MEGF11: variants seen among roughly 807,000 people sequenced by gnomAD.
MEGF11 encodes the protein multiple epidermal growth factor-like domains protein 11.
MEGF11 carries 126 observed loss-of-function variants against 146.6 expected under a neutral mutation model. The observed-to-expected ratio is 0.86, with a 90% CI of 0.74 to 1.00. The LOEUF (loss-of-function observed/expected upper bound fraction) is 1.00. Among genes scored for constraint, MEGF11 ranks in the 50% least tolerant of loss-of-function variants. The pLI is 0.00. For missense variants in MEGF11, 1,509 were observed against 1,521.2 expected (o/e 0.99, Z 0.13); for synonymous variants, 532 against 583.4 (o/e 0.91, Z 1.27).
rs538348245 is a variant in MEGF11, at chr15:66,094,465, G to A, written c.331C>T (p.Arg111Cys). ...PLCTEECVHG[R>C]CVSPDTCHCE... The stretch of plus-strand genomic sequence containing the variant: ...TGGCAGGTGTCCGGGGAAACGCAGC[G>A]GCCGTGCACACACTCCTCCGTACAC... Residue 111 changes from arginine (R) to cysteine (C), a missense_variant, in exon 5 of 26, where the codon CGC (arginine) becomes TGC (cysteine). Arg to Cys is a radical substitution (Grantham distance 180). Transcript: ENST00000395614. The A allele has an allele frequency of 1.4e-5, 22 of 1,560,492 alleles. No homozygotes were observed. Among genetic ancestry groups the A allele is most frequent in the Middle Eastern group, 1.7e-4 (1 of 6,004 alleles).
chr15:66,098,736 C>T (rs1307575429), intron 4 of MEGF11, among the ~76,000 whole-genome samples: 1 of 152,218 alleles, frequency 6.6e-6, no homozygotes, highest in Non-Finnish European at 1.5e-5. Flanking sequence ...AAATGACCTA[C>T]ATCCACGTGG....
chr15:66,067,470 C>A (rs189171249), intron 5 of MEGF11, among the ~76,000 whole-genome samples: 1 of 152,168 alleles, frequency 6.6e-6, no homozygotes, highest in African/African-American at 2.4e-5. Context: ...TTGCTGGAGG[C>A]CTTAAAGCTG....
chr15:65,926,761 A>G (rs546163940), intron 13 of MEGF11, among the ~76,000 whole-genome samples: 1 of 152,358 alleles, frequency 6.6e-6, no homozygotes, highest in South Asian at 2.1e-4. Flanking sequence ...GGTTCACCAA[A>G]GACAGAATTT....
chr15:66,228,781 T>C (rs1039830914), intron 1 of MEGF11, among the ~76,000 whole-genome samples: 1 of 152,190 alleles, frequency 6.6e-6, no homozygotes, highest in Non-Finnish European at 1.5e-5. Context: ...GCATGGGCTT[T>C]ATGAGAGGAG....
chr15:66,078,086 G>A (rs2085671214), intron 5 of MEGF11, among the ~76,000 whole-genome samples: 1 of 152,158 alleles, frequency 6.6e-6, no homozygotes, highest in Non-Finnish European at 1.5e-5. Context: ...TTTCAAGGGT[G>A]GTCTCCAGGG....
intron 1 of MEGF11, among the ~76,000 whole-genome samples, chr15:66,246,161 G>T (rs2092293592): frequency 6.6e-6 from 1 of 152,178 alleles, no homozygotes; most frequent in African/African-American, 2.4e-5. Flanking sequence ...GAAGGCTGAG[G>T]CACAAGAATT....
chr15:65,907,550 C>T (rs1253306738), intron 23 of MEGF11, among the ~76,000 whole-genome samples: 3 of 152,184 alleles, frequency 2.0e-5, no homozygotes, highest in Admixed American at 6.5e-5. Flanking sequence ...CTGCCTCAGC[C>T]TCCCAAAGTG....
chr15:65,906,232 C>G (rs1015262086), intron 23 of MEGF11, 91 bp from the exon 24 acceptor site: 3 of 859,314 alleles, frequency 3.5e-6, no homozygotes, highest in Middle Eastern at 2.2e-4. Flanking sequence ...GCTTTTCCCC[C>G]CCCTTCTCCC....
intron 1 of MEGF11, among the ~76,000 whole-genome samples, chr15:66,153,160 T>G (rs958336594): frequency 6.6e-6 from 1 of 152,134 alleles, no homozygotes; most frequent in Non-Finnish European, 1.5e-5. Context: ...GCTCCCACAC[T>G]CCCCACAGCA....
chr15:66,083,528 G>A (rs1181593566), intron 5 of MEGF11, among the ~76,000 whole-genome samples: 1 of 151,812 alleles, frequency 6.6e-6, no homozygotes, highest in Admixed American at 6.6e-5. Flanking sequence ...AAACTCAGAA[G>A]AAACCACAGG....
chr15:65,962,969 GAGTCCTTTCAGATTA>G (rs2080918344), intron 9 of MEGF11, among the ~76,000 whole-genome samples: 1 of 152,184 alleles, frequency 6.6e-6, no homozygotes, highest in Non-Finnish European at 1.5e-5. Context: ...AGAAGAGGGG[GAGTCCTTTCAGATTA>G]ATAATGCATC....
At chr15:66,036,255 T>C (rs1189846778) in intron 5 of MEGF11, among the ~76,000 whole-genome samples, 2 of 152,236 alleles carry the variant, frequency 1.3e-5, no homozygotes, top group African/African-American at 4.8e-5. Context: ...TACTCAGTCA[T>C]GCACCCTTTA....
chr15:66,027,619 C>G (rs1264613463), intron 5 of MEGF11, among the ~76,000 whole-genome samples: 1 of 152,196 alleles, frequency 6.6e-6, no homozygotes. Context: ...TCAGAACTAC[C>G]CCGAGAGTCT....
chr15:66,166,971 C>T (rs2090113491), intron 1 of MEGF11, among the ~76,000 whole-genome samples: 1 of 152,202 alleles, frequency 6.6e-6, no homozygotes, highest in Non-Finnish European at 1.5e-5. Context: ...AGGTTCCCTG[C>T]TCCTATCCTT....
chr15:66,241,644 G>A (rs987130724), intron 1 of MEGF11, among the ~76,000 whole-genome samples: 6 of 152,188 alleles, frequency 3.9e-5, no homozygotes, highest in African/African-American at 1.2e-4. Flanking sequence ...ACCTTAGAGG[G>A]GACCCAGGTC....
At chr15:66,140,457 C>T (rs1416823781) in intron 1 of MEGF11, among the ~76,000 whole-genome samples, 1 of 152,170 alleles carries the variant, frequency 6.6e-6, no homozygotes, top group African/African-American at 2.4e-5. Context: ...CTTTCTGTTC[C>T]CTCCTCAGGC....
At chr15:66,045,693 T>G (rs941254079) in intron 5 of MEGF11, among the ~76,000 whole-genome samples, 2 of 152,166 alleles carry the variant, frequency 1.3e-5, no homozygotes, top group African/African-American at 2.4e-5. Context: ...CTCTAACAAC[T>G]GCAGTGCTTT....
At chr15:66,096,864 G>A (rs1292810491) in intron 4 of MEGF11, among the ~76,000 whole-genome samples, 2 of 152,184 alleles carry the variant, frequency 1.3e-5, no homozygotes, top group African/African-American at 4.8e-5. Context: ...ACACTGCACT[G>A]CCTTTTCCCT....
chr15:65,995,228 G>C (rs1449915511), intron 5 of MEGF11, among the ~76,000 whole-genome samples: 2 of 152,220 alleles, frequency 1.3e-5, no homozygotes, highest in African/African-American at 4.8e-5. Context: ...AGCCTGGGTA[G>C]GCTGCAGAGG....
Sources: gnomAD v4.1 joint callset for allele counts (sites outside exome capture counted in the v4.1 genomes callset) on GRCh38, gnomAD v4.1.1 for gene constraint, MANE v1.5 for transcripts, NCBI Gene and HGNC (gene_info 2026-07-23, HGNC 2026-07-21) for gene names.